AFF3: variants seen among roughly 807,000 people sequenced by gnomAD.
AFF3 encodes the protein AF4/FMR2 family member 3.
AFF3 carries 32 observed loss-of-function variants against 129.7 expected under a neutral mutation model. The observed-to-expected ratio is 0.25, with a 90% confidence interval of 0.19 to 0.33. The LOEUF (loss-of-function observed/expected upper bound fraction) is 0.33, where lower values mean the gene tolerates loss of function less well. Among genes scored for constraint, AFF3 ranks in the 10% least tolerant of loss-of-function variants. The pLI, the probability that AFF3 is intolerant of heterozygous loss-of-function variation, is 1.00. For missense variants in AFF3, 1,373 were observed against 1,592.0 expected (o/e 0.86, Z 2.34); for synonymous variants, 644 against 635.4 (o/e 1.01, Z -0.20).
intron 10 of AFF3, among the ~76,000 whole-genome samples, chr2:99,728,240 T>C (rs1236490956): frequency 6.6e-6 from 1 of 152,238 alleles, no homozygotes; most frequent in African/African-American, 2.4e-5. Flanking sequence ...CACTGATAAC[T>C]GAGAGCGTGG....
intron 7 of AFF3, among the ~76,000 whole-genome samples, chr2:99,964,021 A>G (rs1259255512): frequency 2.0e-5 from 3 of 152,116 alleles, no homozygotes; most frequent in Non-Finnish European, 4.4e-5. Context: ...AATACTAAAG[A>G]CAAAGAAGAA....
chr2:99,806,733 A>T (rs981381829), intron 8 of AFF3, among the ~76,000 whole-genome samples: 7 of 152,162 alleles, frequency 4.6e-5, no homozygotes, highest in African/African-American at 1.7e-4. Flanking sequence ...ATTCACCAGC[A>T]TTCCTCTTAA....
intron 12 of AFF3, among the ~76,000 whole-genome samples, chr2:99,665,933 A>AATTG (rs1686634437): frequency 2.0e-5 from 3 of 152,180 alleles, no homozygotes; most frequent in Admixed American, 2.0e-4. Context: ...AGCCCAGTAT[A>AATTG]ATTGGCTCTA....
At chr2:99,972,641 C>A (rs1678497956) in intron 7 of AFF3, among the ~76,000 whole-genome samples, 1 of 152,192 alleles carries the variant, frequency 6.6e-6, no homozygotes, top group African/African-American at 2.4e-5. Context: ...AAGACAGACA[C>A]AGCCCTTAGT....
chr2:99,551,561 C>A lies in AFF3; in HGVS notation c.3594G>T (p.Pro1198=). 1.2e-6 allele frequency: 2 copies of A among 1,614,058 alleles called. No individual in the cohort carries two copies. Among genetic ancestry groups the A allele is most frequent in the Non-Finnish European group, 1.7e-6 (2 of 1,180,002 alleles). Residue 1198 remains proline (P), a synonymous_variant, in exon 25 of 25, where the codon CCG becomes CCT. Transcript: ENST00000672756. ...FFNDLDLLMG[P]VTLHSSMEHL... ...GCTCCATGCTGCTGTGCAGGGTGAC[C>A]GGCCCCATGAGCAGATCCAGGTCGT...
chr2:99,613,153 T>C (rs1442304091), intron 13 of AFF3, among the ~76,000 whole-genome samples: 1 of 152,198 alleles, frequency 6.6e-6, no homozygotes, highest in African/African-American at 2.4e-5. Context: ...GTTTAGGGGG[T>C]TGATATTCAC....
intron 4 of AFF3, among the ~76,000 whole-genome samples, chr2:100,083,635 C>T (rs1689195665): frequency 6.6e-6 from 1 of 152,224 alleles, no homozygotes; most frequent in South Asian, 2.1e-4. Context: ...GAGCCACTTC[C>T]ACCCTCACGG....
In AFF3 at chr2:99,822,803, A is replaced by G. The variant is rs539030197; in HGVS notation, c.921+14674T>C. The stretch of plus-strand genomic sequence containing the variant: ...ACGGTAACTAGCCAACCTCCAAAAG[A>G]GCTCCGCTTTTATTTCTTGCCTTTT... On this transcript the variant is annotated intron_variant, in intron 8 of 24. Transcript: ENST00000672756. Among the ~76,000 whole-genome samples the G allele has an allele frequency of 3.7e-4, 56 of 151,994 alleles. 1 individual carries two copies. The highest frequency in any genetic ancestry group is 1.3e-3 in the African/African-American group (55 of 41,452).
At chr2:99,778,903 T>TCAC (rs1558842026) in intron 8 of AFF3, among the ~76,000 whole-genome samples, 13 of 14,826 alleles carry the variant, frequency 8.8e-4, no homozygotes, top group African/African-American at 5.8e-3. Flanking sequence ...TGCGCGTGTG[T>TCAC]GTGTGTGTGT....
intron 1 of AFF3, among the ~76,000 whole-genome samples, chr2:100,142,250 G>A (rs779133116): frequency 5.9e-5 from 9 of 151,680 alleles, no homozygotes; most frequent in Non-Finnish European, 8.8e-5. Flanking sequence ...ACACACTGAC[G>A]GCTTCAGTGA....
At chr2:99,796,787 T>C (rs1285290001) in intron 8 of AFF3, among the ~76,000 whole-genome samples, 1 of 151,930 alleles carries the variant, frequency 6.6e-6, no homozygotes, top group Non-Finnish European at 1.5e-5. Flanking sequence ...CAGAAAAAAA[T>C]ACCAGGTGCT....
chr2:99,927,764 T>C (rs1696366549), intron 7 of AFF3, among the ~76,000 whole-genome samples: 1 of 152,186 alleles, frequency 6.6e-6, no homozygotes, highest in Non-Finnish European at 1.5e-5. Context: ...AAATACTAAG[T>C]GTCCTAATCA....
At chr2:99,713,026 C>T (rs1052455434) in intron 11 of AFF3, among the ~76,000 whole-genome samples, 6 of 152,208 alleles carry the variant, frequency 3.9e-5, no homozygotes, top group African/African-American at 1.4e-4. Flanking sequence ...TATGAGGTCC[C>T]CAGAGTAGTC....
chr2:99,919,103 G>C (rs746592430), intron 7 of AFF3, among the ~76,000 whole-genome samples: 2 of 151,988 alleles, frequency 1.3e-5, no homozygotes, highest in Admixed American at 6.5e-5. Context: ...AATTCCCCCC[G>C]GTAGTAGTAC....
chr2:100,029,116 A>G (rs1338009825), intron 4 of AFF3, among the ~76,000 whole-genome samples: 1 of 152,212 alleles, frequency 6.6e-6, no homozygotes, highest in South Asian at 2.1e-4. Context: ...TATGTGGTCA[A>G]TGTGACAGGC....
chr2:99,704,405 T>A (rs1324439449), intron 11 of AFF3, among the ~76,000 whole-genome samples: 1 of 152,128 alleles, frequency 6.6e-6, no homozygotes, highest in African/African-American at 2.4e-5. Context: ...GACCTAGCAC[T>A]ACCCACGTGG....
intron 4 of AFF3, among the ~76,000 whole-genome samples, chr2:100,041,823 G>A (rs1211294679): frequency 2.6e-5 from 4 of 152,054 alleles, no homozygotes; most frequent in Non-Finnish European, 4.4e-5. Flanking sequence ...CATATAGAAG[G>A]GATATTTGCA....
intron 13 of AFF3, among the ~76,000 whole-genome samples, chr2:99,623,106 C>G (rs985134985): frequency 6.6e-6 from 1 of 150,910 alleles, no homozygotes; most frequent in Non-Finnish European, 1.5e-5. Context: ...CTCCAAGGAG[C>G]AAAATGCATT....
intron 8 of AFF3, among the ~76,000 whole-genome samples, chr2:99,757,343 C>A (rs1682197973): frequency 6.6e-6 from 1 of 152,208 alleles, no homozygotes; most frequent in South Asian, 2.1e-4. Context: ...TTTTCTTCTT[C>A]TTGTACTTTA....
Sources: gnomAD v4.1 joint callset for allele counts (sites outside exome capture counted in the v4.1 genomes callset) on GRCh38, gnomAD v4.1.1 for gene constraint, MANE v1.5 for transcripts, NCBI Gene and HGNC (gene_info 2026-07-23, HGNC 2026-07-21) for gene names.